The following PIGK variants were observed in gnomAD, a reference collection of about 807,000 sequenced individuals.
PIGK encodes GPI-anchor transamidase.
Under a neutral mutation model 50.6 loss-of-function variants are expected in PIGK, and 42 were observed. The ratio of observed to expected loss-of-function variants is 0.83; its 90% CI spans 0.65 to 1.07. The LOEUF (loss-of-function observed/expected upper bound fraction) is 1.07, where lower values mean the gene tolerates loss of function less well. PIGK is among the 50% of genes least tolerant of loss of function. PIGK has a pLI of 0.00. For missense variants in PIGK, 448 were observed against 488.7 expected (o/e 0.92, Z 0.78); for synonymous variants, 151 against 156.0 (o/e 0.97, Z 0.24).
intron 10 of PIGK, among the ~76,000 whole-genome samples, chr1:77,102,034 A>G (rs1195578597): frequency 3.9e-5 from 6 of 152,186 alleles, no homozygotes; most frequent in Non-Finnish European, 2.9e-5. Context: ...AAAATCATGT[A>G]AAAGATAGAA....
chr1:77,111,407 C>A (rs1357776890), intron 10 of PIGK, among the ~76,000 whole-genome samples: 1 of 152,204 alleles, frequency 6.6e-6, no homozygotes, highest in Admixed American at 6.5e-5. Context: ...CACATATACA[C>A]CATGGAATAC....
chr1:77,218,497 G>A (rs1656637622), intron 1 of PIGK, among the ~76,000 whole-genome samples: 1 of 152,166 alleles, frequency 6.6e-6, no homozygotes, highest in African/African-American at 2.4e-5. Flanking sequence ...TCTAGCTTAG[G>A]AGCAGCACAT....
At chr1:77,172,602 G>T (rs1055467411) in intron 3 of PIGK, among the ~76,000 whole-genome samples, 8 of 152,104 alleles carry the variant, frequency 5.3e-5, no homozygotes, top group Non-Finnish European at 1.0e-4. Flanking sequence ...TGGTAATATT[G>T]CAGGGGCTAT....
At chr1:77,187,928 C>T (rs1244398752) in intron 3 of PIGK, among the ~76,000 whole-genome samples, 1 of 152,130 alleles carries the variant, frequency 6.6e-6, no homozygotes, top group African/African-American at 2.4e-5. Flanking sequence ...AATCTCTAAA[C>T]ATAAATTGTA....
chr1:77,126,512 TCATC>T (rs1654235713), intron 9 of PIGK, among the ~76,000 whole-genome samples: 1 of 151,984 alleles, frequency 6.6e-6, no homozygotes, highest in Non-Finnish European at 1.5e-5. Context: ...AAAAAAAAAA[TCATC>T]TTGTTCCCAT....
At chr1:77,107,105 C>T (rs1178728300) in intron 10 of PIGK, among the ~76,000 whole-genome samples, 1 of 152,086 alleles carries the variant, frequency 6.6e-6, no homozygotes, top group African/African-American at 2.4e-5. Context: ...CTGCTCTGAT[C>T]TTAGTTATTT....
At chr1:77,149,896 C>T (rs187031125) in intron 9 of PIGK, among the ~76,000 whole-genome samples, 2 of 151,968 alleles carry the variant, frequency 1.3e-5, no homozygotes, top group East Asian at 3.9e-4. Context: ...TTTCAAGTAT[C>T]TTTTTCTGAC....
rs143800957 is a variant in PIGK, at chr1:77,207,829, A to G, written c.148-1098T>C. Among the ~76,000 whole-genome samples, 838 of 152,248 alleles carry G rather than the reference A, an allele frequency of 5.5e-3. 8 individuals are homozygous for G. The highest frequency in any genetic ancestry group is 9.5e-3 in the Non-Finnish European group (644 of 68,020). On this transcript the variant is annotated intron_variant, in intron 2 of 10. Coordinates refer to ENST00000370812, the MANE Select transcript of PIGK (RefSeq NM_005482.3). ...CCCCTGACAAACAGAAAGGAACTACATGGTTTTTTTTTAAATTAAGTTTTC... is the reference window on the plus strand; with the variant it reads ...CCCCTGACAAACAGAAAGGAACTACGTGGTTTTTTTTTAAATTAAGTTTTC...
rs143443402 is a variant in PIGK at position 77,146,453 on chromosome 1, G to A, written c.986+7996C>T. On this transcript the variant is annotated intron_variant, in intron 9 of 10. Transcript: ENST00000370812. ...CAAGCAGGAGGATCGCCTGAGGCCA[G>A]TAGTTTTAGATCAGCCTGGATAACA... Among the ~76,000 whole-genome samples the A allele has an allele frequency of 7.1e-3, 1,076 of 152,152 alleles. 17 individuals are homozygous for A. Among genetic ancestry groups the A allele is most frequent in the African/African-American group, 0.025 (1,021 of 41,514 alleles).
intron 9 of PIGK, among the ~76,000 whole-genome samples, chr1:77,143,143 A>G (rs558802183): frequency 6.6e-6 from 1 of 152,316 alleles, no homozygotes. Flanking sequence ...CAATTTTTAA[A>G]ATGGAATACA....
intron 8 of PIGK, among the ~76,000 whole-genome samples, chr1:77,159,757 G>A (rs1230423771): frequency 2.0e-5 from 3 of 152,178 alleles, no homozygotes; most frequent in Admixed American, 6.5e-5. Context: ...TGGAACAGGT[G>A]TATTTACCCA....
intron 9 of PIGK, among the ~76,000 whole-genome samples, chr1:77,135,561 T>A (rs145152153): frequency 6.6e-6 from 1 of 152,172 alleles, no homozygotes; most frequent in Non-Finnish European, 1.5e-5. Context: ...TGCAGTATTG[T>A]TATAAACTAT....
At chr1:77,097,012 A>G (rs919292759) in intron 10 of PIGK, among the ~76,000 whole-genome samples, 7 of 151,746 alleles carry the variant, frequency 4.6e-5, no homozygotes, top group Admixed American at 1.3e-4. Flanking sequence ...CTTGGAACCA[A>G]CCCAAATGTC....
At chr1:77,216,712 T>C (rs1450729363) in intron 1 of PIGK, among the ~76,000 whole-genome samples, 2 of 152,032 alleles carry the variant, frequency 1.3e-5, no homozygotes, top group African/African-American at 2.4e-5. Flanking sequence ...TGTGCTACAG[T>C]GGTTAAGCAT....
chr1:77,181,975 T>A (rs764883674), intron 3 of PIGK, among the ~76,000 whole-genome samples: 32 of 152,354 alleles, frequency 2.1e-4, no homozygotes, highest in Non-Finnish European at 4.0e-4. Context: ...TTTTCTGAAT[T>A]ACTTTCAATT....
intron 3 of PIGK, among the ~76,000 whole-genome samples, chr1:77,205,592 T>C (rs1171474183): frequency 6.6e-6 from 1 of 151,994 alleles, no homozygotes; most frequent in Non-Finnish European, 1.5e-5. Context: ...ATTATTACCA[T>C]GTAACAAATG....
chr1:77,214,507 C>T (rs1403245141), intron 1 of PIGK, among the ~76,000 whole-genome samples: 4 of 152,058 alleles, frequency 2.6e-5, no homozygotes, highest in Non-Finnish European at 5.9e-5. Context: ...CACACCTAAA[C>T]ACAAAAAGGC....
At chr1:77,155,460 TC>T (rs1170238268) in intron 8 of PIGK, among the ~76,000 whole-genome samples, 1 of 152,188 alleles carries the variant, frequency 6.6e-6, no homozygotes, top group East Asian at 1.9e-4. Flanking sequence ...TAAGACATGG[TC>T]CTGTCCTCAA....
At chr1:77,132,778 A>G (rs1654407857) in intron 9 of PIGK, among the ~76,000 whole-genome samples, 2 of 152,072 alleles carry the variant, frequency 1.3e-5, no homozygotes, top group Admixed American at 1.3e-4. Context: ...TTTTGATTTC[A>G]TCTTCACTTA....
Sources: allele counts gnomAD v4.1 joint callset (sites outside exome capture counted in the v4.1 genomes callset), GRCh38; gene constraint gnomAD v4.1.1; transcripts MANE v1.5; gene names NCBI Gene and HGNC (gene_info 2026-07-23, HGNC 2026-07-21).